RGS7: variants seen among roughly 807,000 people sequenced by gnomAD.
RGS7 encodes the protein regulator of G-protein signaling 7.
RGS7 carries 27 observed loss-of-function variants against 81.1 expected under a neutral mutation model. The observed-to-expected ratio is 0.33, with a 90% CI of 0.25 to 0.46. The LOEUF (loss-of-function observed/expected upper bound fraction) is 0.46, where lower values mean the gene tolerates loss of function less well. Ranked by LOEUF, RGS7 falls within the 20% of genes least tolerant of loss-of-function variation. The probability of loss-of-function intolerance (pLI) is 1.00; values close to 1 mark genes in which losing one functional copy is unlikely to be tolerated. For missense variants in RGS7, 396 were observed against 607.4 expected, an observed-to-expected ratio of 0.65 and a Z score of 3.66; for synonymous variants, 208 against 207.7, an observed-to-expected ratio of 1.00 and a Z score of -0.01.
chr1:241,111,863 C>A (rs1206590303), intron 2 of RGS7, among the ~76,000 whole-genome samples: 1 of 152,148 alleles, frequency 6.6e-6, no homozygotes, highest in Non-Finnish European at 1.5e-5. Flanking sequence ...TGACTGAAAA[C>A]AATAAATGTA....
At position 241,311,686 on chromosome 1, in the gene RGS7, A is replaced by G. The variant is rs1364335094; in HGVS notation, c.78+44013T>C. Among the ~76,000 whole-genome samples, 3 of 152,218 alleles carry G rather than the reference A, an allele frequency of 2.0e-5. No homozygotes were observed. The East Asian group carries it at 5.8e-4, about 29-fold the overall frequency. ...TGCAGTTTTTTTCATTCACTCACAA[A>G]TGAAACTATGCATAAACAATCACGA... On this transcript the variant is annotated intron_variant, in intron 2 of 18. Coordinates refer to ENST00000440928, the MANE Select transcript of RGS7 (RefSeq NM_001364886.1).
intron 2 of RGS7, among the ~76,000 whole-genome samples, chr1:241,244,189 A>C (rs1289725044): frequency 1.3e-5 from 2 of 152,128 alleles, no homozygotes; most frequent in Non-Finnish European, 2.9e-5. Context: ...AATGGGAGAA[A>C]ATTTTTGCAA....
At chr1:240,935,640 A>C (rs1033972072) in intron 5 of RGS7, among the ~76,000 whole-genome samples, 1 of 152,338 alleles carries the variant, frequency 6.6e-6, no homozygotes, top group East Asian at 1.9e-4. Context: ...AATCTTTAAA[A>C]TGATTTTTTA....
intron 3 of RGS7, among the ~76,000 whole-genome samples, chr1:241,054,771 C>T (rs1244623618): frequency 6.6e-6 from 1 of 152,188 alleles, no homozygotes; most frequent in Non-Finnish European, 1.5e-5. Flanking sequence ...GATTTGTCAG[C>T]AAATCCAATC....
rs1663746286 is a variant in RGS7 at position 240,868,124 on chromosome 1, A to AAGAAAGAAAG, written c.609+453_609+462dup. Among the ~76,000 whole-genome samples, 1 of 106,494 alleles carries AAGAAAGAAAG rather than the reference A, an allele frequency of 9.4e-6. No homozygotes were observed. The highest frequency in any genetic ancestry group is 6.2e-5 in the African/African-American group (1 of 16,068). 69.9% of individuals were successfully genotyped at this position (106,494 alleles called of 152,430 possible). On this transcript the variant is annotated intron_variant, in intron 9 of 18. Transcript: ENST00000440928. This position sits in a 1 kb window ranked among gnomAD's most constrained non-coding sequence, Gnocchi z 5.1. ...AAAAGAAAGAAAAGAAAAGGAAAGA[A>AAGAAAGAAAG]AGAAAGAAAGAAAGAAAGAAAGAAA...
rs1489998569 is a variant in RGS7, at chr1:241,271,666, T to A, written c.78+84033A>T. Among the ~76,000 whole-genome samples, 2 of 152,188 alleles carry A rather than the reference T, an allele frequency of 1.3e-5. No homozygotes were observed. Among genetic ancestry groups the A allele is most frequent in the Admixed American group, 6.5e-5 (1 of 15,288 alleles). ...TGGCTTATCCAACCTGTTGAGGGCC[T>A]GAACAGAACAGAAAGGTGGAAGAAG... is the stretch of plus-strand genomic sequence containing the variant. On this transcript the variant is annotated intron_variant, in intron 2 of 18. Coordinates refer to ENST00000440928, the MANE Select transcript of RGS7 (RefSeq NM_001364886.1). This position sits in a 1 kb window ranked among gnomAD's most constrained non-coding sequence, Gnocchi z 4.6.
intron 4 of RGS7, among the ~76,000 whole-genome samples, chr1:240,964,398 G>A (rs1681960696): frequency 6.6e-6 from 1 of 152,124 alleles, no homozygotes; most frequent in Non-Finnish European, 1.5e-5. Context: ...AGGATTGAGT[G>A]ACTTTTCAAC....
intron 3 of RGS7, among the ~76,000 whole-genome samples, chr1:241,001,985 A>G (rs549169812): frequency 1.3e-5 from 2 of 152,232 alleles, no homozygotes; most frequent in South Asian, 4.2e-4. Context: ...CCTGTGCGAT[A>G]ATGATGCATC....
intron 5 of RGS7, among the ~76,000 whole-genome samples, chr1:240,932,977 G>A (rs528754745): frequency 0.016 from 2,276 of 138,090 alleles, 55 homozygotes; most frequent in African/African-American, 0.057. Context: ...TCCGCCTCCC[G>A]GGTTCACGCC....
intron 2 of RGS7, among the ~76,000 whole-genome samples, chr1:241,171,961 T>C (rs924073515): frequency 2.6e-5 from 4 of 151,998 alleles, no homozygotes; most frequent in Non-Finnish European, 4.4e-5. Flanking sequence ...AGATTTAGTG[T>C]CTGTGCTCTT....
intron 3 of RGS7, among the ~76,000 whole-genome samples, chr1:241,098,465 A>G (rs2102883547): frequency 6.6e-6 from 1 of 152,328 alleles, no homozygotes; most frequent in Admixed American, 6.5e-5. Context: ...AAACTAACCT[A>G]GAGCAGGGTC....
intron 6 of RGS7, among the ~76,000 whole-genome samples, chr1:240,913,250 T>C (rs1672052259): frequency 6.6e-6 from 1 of 152,260 alleles, no homozygotes; most frequent in South Asian, 2.1e-4. Flanking sequence ...GTATGCATGA[T>C]GTAAGTATGC....
At chr1:240,906,974 A>C (rs1670923235) in intron 6 of RGS7, among the ~76,000 whole-genome samples, 1 of 152,238 alleles carries the variant, frequency 6.6e-6, no homozygotes, top group South Asian at 2.1e-4. Context: ...CTAGGGAAGG[A>C]TTCAGGCATC....
At chr1:240,779,560 G>A (rs760085618) in intron 18 of RGS7, among the ~76,000 whole-genome samples, 3 of 152,094 alleles carry the variant, frequency 2.0e-5, no homozygotes, top group Non-Finnish European at 2.9e-5. Context: ...GGCCCTCATC[G>A]GACACTGAAT....
intron 4 of RGS7, among the ~76,000 whole-genome samples, chr1:240,980,204 A>G (rs1227713765): frequency 6.6e-6 from 1 of 152,188 alleles, no homozygotes; most frequent in Non-Finnish European, 1.5e-5. Flanking sequence ...AATAGAAATG[A>G]GTTATTAAGT....
chr1:240,823,677 T>C (rs1218490075), intron 10 of RGS7, among the ~76,000 whole-genome samples: 2 of 152,156 alleles, frequency 1.3e-5, no homozygotes, highest in Non-Finnish European at 2.9e-5. Flanking sequence ...CTCCCCAGAC[T>C]GCCTTTGGAT....
At chr1:240,932,656 C>T (rs1224837270) in intron 5 of RGS7, among the ~76,000 whole-genome samples, 1 of 150,062 alleles carries the variant, frequency 6.7e-6, no homozygotes, top group African/African-American at 2.5e-5. Flanking sequence ...CTACAGGTGC[C>T]CGCCACCACG....
intron 2 of RGS7, among the ~76,000 whole-genome samples, chr1:241,210,112 G>A (rs980355275): frequency 8.5e-5 from 13 of 152,122 alleles, no homozygotes; most frequent in African/African-American, 2.9e-4. Flanking sequence ...GAGCCTTGAG[G>A]AAAAAGGTTA....
intron 3 of RGS7, among the ~76,000 whole-genome samples, chr1:241,029,582 C>A (rs1004604728): frequency 2.0e-5 from 3 of 152,154 alleles, no homozygotes; most frequent in African/African-American, 7.2e-5. Flanking sequence ...ATGAATGTTA[C>A]AACATCTGAA....
Sources: gnomAD v4.1 joint callset for allele counts (sites outside exome capture counted in the v4.1 genomes callset) on GRCh38, gnomAD v4.1.1 for gene constraint, Gnocchi (gnomAD v3.1) non-coding constraint, MANE v1.5 for transcripts, NCBI Gene and HGNC (gene_info 2026-07-23, HGNC 2026-07-21) for gene names.